The following OCA2 variants were observed in gnomAD, a reference collection of about 807,000 sequenced individuals.
OCA2 encodes the protein P protein.
Under a neutral mutation model 100.2 loss-of-function variants are expected in OCA2, and 77 were observed. That is an observed-to-expected ratio of 0.77 (90% CI 0.64 to 0.93). The LOEUF (loss-of-function observed/expected upper bound fraction) is 0.93, where lower values mean the gene tolerates loss of function less well. Ranked by LOEUF, OCA2 falls within the 40% of genes least tolerant of loss-of-function variation. OCA2 has a pLI of 0.00. For missense variants in OCA2, 1,062 were observed against 1,089.1 expected (o/e 0.98, Z 0.35); for synonymous variants, 432 against 439.2 (o/e 0.98, Z 0.21).
intron 19 of OCA2, among the ~76,000 whole-genome samples, chr15:27,909,865 T>C (rs2038319558): frequency 6.6e-6 from 1 of 152,160 alleles, no homozygotes; most frequent in Admixed American, 6.5e-5. Flanking sequence ...CTAGTAAATC[T>C]GTCTACATAA....
At chr15:27,914,381 G>C (rs2038584629) in intron 19 of OCA2, among the ~76,000 whole-genome samples, 1 of 152,024 alleles carries the variant, frequency 6.6e-6, no homozygotes, top group Admixed American at 6.6e-5. Context: ...GCAACAGTAA[G>C]AAATAAAAGA....
chr15:27,918,944 T>G (rs986177365), intron 19 of OCA2, among the ~76,000 whole-genome samples: 1 of 152,146 alleles, frequency 6.6e-6, no homozygotes, highest in African/African-American at 2.4e-5. Context: ...TTGCCTAGGT[T>G]AGTACAGATA....
chr15:28,090,482 G>A (rs1382157975), intron 1 of OCA2, among the ~76,000 whole-genome samples: 1 of 152,096 alleles, frequency 6.6e-6, no homozygotes, highest in Non-Finnish European at 1.5e-5. Context: ...TAAAAGAATT[G>A]AAATCACACA....
intron 23 of OCA2, among the ~76,000 whole-genome samples, chr15:27,799,008 T>C (rs577648974): frequency 5.9e-5 from 9 of 152,346 alleles, no homozygotes; most frequent in East Asian, 3.9e-4. Context: ...TGCATCACAA[T>C]TGGATCTTAA....
At chr15:27,953,381 C>T (rs1033014208) in intron 17 of OCA2, among the ~76,000 whole-genome samples, 2 of 152,230 alleles carry the variant, frequency 1.3e-5, no homozygotes, top group Non-Finnish European at 2.9e-5. Flanking sequence ...ACCGTGAAGG[C>T]TCATGGCTGG....
intron 23 of OCA2, among the ~76,000 whole-genome samples, chr15:27,755,914 T>C (rs1192641994): frequency 1.3e-5 from 2 of 152,092 alleles, no homozygotes; most frequent in Non-Finnish European, 2.9e-5. Flanking sequence ...AAGGAGAGCT[T>C]GATAAGTAGT....
At chr15:28,032,237 G>T in intron 2 of OCA2, 74 bp from the exon 3 acceptor site, 1 of 1,142,784 alleles carries the variant, frequency 8.8e-7, no homozygotes, top group Non-Finnish European at 1.3e-6. Flanking sequence ...TCAGGTGCTA[G>T]ATTCAAGAAT....
intron 18 of OCA2, among the ~76,000 whole-genome samples, chr15:27,944,537 G>A (rs898643383): frequency 1.3e-5 from 2 of 152,150 alleles, no homozygotes; most frequent in African/African-American, 4.8e-5. Flanking sequence ...CATCGCTATT[G>A]GAGAGCCTAA....
intron 2 of OCA2, among the ~76,000 whole-genome samples, chr15:28,072,259 A>G (rs1383495252): frequency 6.6e-6 from 1 of 151,138 alleles, no homozygotes; most frequent in Non-Finnish European, 1.5e-5. Context: ...AGAGTGTTGA[A>G]TCTGGGCTGC....
At chr15:28,070,291 A>G (rs1219977150) in intron 2 of OCA2, among the ~76,000 whole-genome samples, 2 of 127,636 alleles carry the variant, frequency 1.6e-5, no homozygotes, top group African/African-American at 6.5e-5. Context: ...CCCGGCAGCC[A>G]CCCCGTCCGG....
At chr15:27,805,759 C>A (rs2033815181) in intron 23 of OCA2, among the ~76,000 whole-genome samples, 1 of 152,116 alleles carries the variant, frequency 6.6e-6, no homozygotes, top group Admixed American at 6.5e-5. Context: ...CTGGAGAAGA[C>A]CCTCCGCGCC....
intron 14 of OCA2, among the ~76,000 whole-genome samples, chr15:27,979,989 C>G (rs537872506): frequency 6.0e-5 from 9 of 151,138 alleles, no homozygotes; most frequent in Non-Finnish European, 1.0e-4. Context: ...GCTGGGATTA[C>G]AGGTGTGAGC....
intron 23 of OCA2, among the ~76,000 whole-genome samples, chr15:27,836,011 G>A: frequency 6.6e-6 from 1 of 152,190 alleles, no homozygotes; most frequent in African/African-American, 2.4e-5. Flanking sequence ...CTCCTGACAA[G>A]TATTTACGGC....
intron 2 of OCA2, among the ~76,000 whole-genome samples, chr15:28,073,719 A>G (rs1566868863): frequency 1.3e-5 from 2 of 152,248 alleles, no homozygotes; most frequent in Admixed American, 6.5e-5. Context: ...CTCATGTAAC[A>G]AATCTGCACA....
At chr15:27,877,041 T>C (rs1427608502) in intron 19 of OCA2, among the ~76,000 whole-genome samples, 1 of 151,992 alleles carries the variant, frequency 6.6e-6, no homozygotes, top group Non-Finnish European at 1.5e-5. Context: ...CCCTCTAAGC[T>C]AACTTTAGGT....
chr15:28,021,922 A>G (rs1297525256), intron 6 of OCA2, among the ~76,000 whole-genome samples: 1 of 152,212 alleles, frequency 6.6e-6, no homozygotes, highest in Admixed American at 6.5e-5. Context: ...AGGTTGCCAC[A>G]GCAACCGCAA....
chr15:27,896,928 C>T (rs532027190), intron 19 of OCA2, among the ~76,000 whole-genome samples: 8 of 152,272 alleles, frequency 5.3e-5, no homozygotes, highest in East Asian at 3.9e-4. Flanking sequence ...CAGTGGCTCA[C>T]GCCTATAATC....
At chr15:27,929,283 T>C (rs951247546) in intron 18 of OCA2, among the ~76,000 whole-genome samples, 2 of 152,148 alleles carry the variant, frequency 1.3e-5, no homozygotes, top group African/African-American at 4.8e-5. Context: ...ATAAAAACAA[T>C]GTGATATTGC....
intron 18 of OCA2, chr15:27,950,639 C>G (rs765279727): frequency 1.6e-4 from 72 of 460,936 alleles, no homozygotes; most frequent in Admixed American, 7.4e-5. Flanking sequence ...AGCTGGAACT[C>G]CAGTCAAAAG....
Sources: gnomAD v4.1 joint callset for allele counts (sites outside exome capture counted in the v4.1 genomes callset) on GRCh38, gnomAD v4.1.1 for gene constraint, MANE v1.5 for transcripts, NCBI Gene and HGNC (gene_info 2026-07-23, HGNC 2026-07-21) for gene names.